The following TNFRSF21 variants were observed in gnomAD, a reference collection of about 807,000 sequenced individuals.
TNFRSF21 encodes the protein TNF receptor superfamily member 21.
TNFRSF21 carries 19 observed loss-of-function variants against 45.6 expected under a neutral mutation model. The observed-to-expected ratio is 0.42, with a 90% CI of 0.29 to 0.61. The LOEUF is 0.61. TNFRSF21 is among the 20% of genes least tolerant of loss of function. The pLI is 0.23. For synonymous variants in TNFRSF21, 314 were observed against 335.5 expected, an observed-to-expected ratio of 0.94 and a Z score of 0.70; for missense variants, 737 against 851.5, an observed-to-expected ratio of 0.87 and a Z score of 1.67.
Position 47,288,483 on chromosome 6 carries a change from G to T in TNFRSF21, c.97-1888C>A, listed in dbSNP as rs1304239441. On this transcript the variant is annotated intron_variant, in intron 1 of 5. Transcript: ENST00000296861. ...ACTGGAGTGTGTTTGCTTTGTCACA[G>T]ATCGTTGAGCTGTACACATAAAATC... Among the ~76,000 whole-genome samples, 4 of 151,884 alleles carry T rather than the reference G, an allele frequency of 2.6e-5. No individual in the cohort carries two copies. The East Asian group carries it at 7.7e-4, about 29-fold the overall frequency.
intron 3 of TNFRSF21, among the ~76,000 whole-genome samples, chr6:47,269,256 CAT>C (rs1315436092): frequency 1.3e-5 from 2 of 152,088 alleles, no homozygotes; most frequent in African/African-American, 4.8e-5. Flanking sequence ...CACACACACA[CAT>C]ACACACATTG....
At chr6:47,273,633 T>G (rs549297451) in intron 3 of TNFRSF21, among the ~76,000 whole-genome samples, 1 of 152,282 alleles carries the variant, frequency 6.6e-6, no homozygotes, top group Admixed American at 6.5e-5. Flanking sequence ...ACCACTCCTA[T>G]TCACCATAAA....
At chr6:47,250,522 G>A (rs927806127) in intron 4 of TNFRSF21, among the ~76,000 whole-genome samples, 23 of 152,170 alleles carry the variant, frequency 1.5e-4, no homozygotes, top group African/African-American at 5.3e-4. Flanking sequence ...CTTGACAGAG[G>A]CAACAAAAAG....
chr6:47,292,365 C>T (rs2113867087), intron 1 of TNFRSF21, among the ~76,000 whole-genome samples: 1 of 151,742 alleles, frequency 6.6e-6, no homozygotes, highest in South Asian at 2.1e-4. Flanking sequence ...ATCAAAATTA[C>T]CTGGGAAGCT....
chr6:47,286,356 T>C lies in TNFRSF21; in HGVS notation c.336A>G (p.Pro112=), dbSNP rs767524762. ...GIEKCHDCSQ[P]CPWPMIEKLP... ...ATTTCTCAATCATTGGCCATGGGCA[T>C]GGCTGACTACAGTCATGGCATTTCT... is the stretch of plus-strand genomic sequence containing the variant. The change falls in exon 2 of 6, where the codon CCA becomes CCG. Residue 112 remains proline (P), a synonymous_variant. Transcript: ENST00000296861. 1.2e-6 allele frequency: 2 copies of C among 1,614,248 alleles called. No homozygotes were observed. Among genetic ancestry groups the C allele is most frequent in the Non-Finnish European group, 1.7e-6 (2 of 1,180,042 alleles).
At position 47,234,649 on chromosome 6, in the gene TNFRSF21, G is replaced by A. The variant is rs1009467299; in HGVS notation, c.1738+21C>T. 9 of 1,579,864 alleles carry A rather than the reference G, an allele frequency of 5.7e-6. No individual in the cohort carries two copies. In the East Asian group the frequency reaches 2.1e-4, roughly 36 times the overall value. On this transcript the variant is annotated intron_variant, in intron 5 of 5. Transcript: ENST00000296861. Reference sequence around the variant, plus strand: ...TTGGGGGGTTTAAGTGCGTGTGTGAGGTCTGCTGCGATGCCCGTACCTTTG... The same window carrying A: ...TTGGGGGGTTTAAGTGCGTGTGTGAAGTCTGCTGCGATGCCCGTACCTTTG...
intron 1 of TNFRSF21, among the ~76,000 whole-genome samples, chr6:47,302,042 T>C (rs909504590): frequency 6.6e-6 from 1 of 152,184 alleles, no homozygotes; most frequent in Non-Finnish European, 1.5e-5. Context: ...CAAAGGTTAT[T>C]TGGGAGACCA....
At position 47,254,395 on chromosome 6, in the gene TNFRSF21, C is replaced by T. The variant is rs549706194; in HGVS notation, c.1244-874G>A. 3.3e-5 allele frequency among the ~76,000 whole-genome samples: 5 copies of T among 152,218 alleles called. No homozygotes were observed. In the East Asian group the frequency reaches 5.8e-4, roughly 18 times the overall value. ...TCTGGAATTTCCCATTTAGTATTTT[C>T]GGACCACAGTGGACCACAGGCAACT... On this transcript the variant is annotated intron_variant, in intron 3 of 5. Transcript: ENST00000296861.
chr6:47,260,681 G>A (rs766715906), intron 3 of TNFRSF21, among the ~76,000 whole-genome samples: 2 of 152,134 alleles, frequency 1.3e-5, no homozygotes, highest in Non-Finnish European at 2.9e-5. Flanking sequence ...AGCCCTCCTT[G>A]GATGAGGTAT....
intron 3 of TNFRSF21, among the ~76,000 whole-genome samples, chr6:47,265,449 T>G (rs1762318774): frequency 6.6e-6 from 1 of 152,172 alleles, no homozygotes; most frequent in South Asian, 2.1e-4. Flanking sequence ...CCGAGTAATT[T>G]ATAGGAAAAT....
At chr6:47,269,770 T>A (rs1208311992) in intron 3 of TNFRSF21, among the ~76,000 whole-genome samples, 1 of 152,158 alleles carries the variant, frequency 6.6e-6, no homozygotes, top group Admixed American at 6.5e-5. Flanking sequence ...CATAAGCATT[T>A]TTAAAGGAAG....
chr6:47,295,138 G>C (rs1273195263), intron 1 of TNFRSF21, among the ~76,000 whole-genome samples: 2 of 152,120 alleles, frequency 1.3e-5, no homozygotes, highest in Non-Finnish European at 2.9e-5. Flanking sequence ...AAAACTCCCT[G>C]GGTCTCAGCA....
intron 4 of TNFRSF21, among the ~76,000 whole-genome samples, chr6:47,238,862 C>T (rs974855345): frequency 7.2e-5 from 11 of 152,144 alleles, no homozygotes; most frequent in African/African-American, 2.4e-4. Flanking sequence ...CTGGATTGTA[C>T]CACAATGAAC....
chr6:47,271,844 A>G (rs1468745844), intron 3 of TNFRSF21, among the ~76,000 whole-genome samples: 1 of 152,174 alleles, frequency 6.6e-6, no homozygotes, highest in Non-Finnish European at 1.5e-5. Context: ...TGGAAAGCAA[A>G]AAAAAAGTAG....
chr6:47,307,926 A>T (rs1331281712), intron 1 of TNFRSF21, among the ~76,000 whole-genome samples: 2 of 152,132 alleles, frequency 1.3e-5, no homozygotes, highest in Non-Finnish European at 2.9e-5. Context: ...AAATGATGAT[A>T]GTTCTCACTC....
In TNFRSF21 at chr6:47,233,011, G is replaced by C; in HGVS notation, c.1739-17C>G. 2 of 1,613,008 alleles carry C rather than the reference G, an allele frequency of 1.2e-6. No individual in the cohort carries two copies. Among genetic ancestry groups the C allele is most frequent in the Middle Eastern group, 1.7e-4 (1 of 5,992 alleles). ...CCTTCTTTTCTGCAGAGAAGAGAGG[G>C]AAGCAAAGACAGCTGTAAGGTGACT... On this transcript the variant is annotated splice_polypyrimidine_tract_variant and intron_variant, in intron 5 of 5. Coordinates refer to ENST00000296861, the MANE Select transcript of TNFRSF21 (RefSeq NM_014452.5).
intron 1 of TNFRSF21, among the ~76,000 whole-genome samples, chr6:47,287,320 A>G (rs1762664740): frequency 6.7e-6 from 1 of 149,046 alleles, no homozygotes; most frequent in Non-Finnish European, 1.5e-5. Context: ...AAAAAAAAAA[A>G]AAAAAAAAAA....
intron 4 of TNFRSF21, among the ~76,000 whole-genome samples, chr6:47,246,966 A>G (rs1764833606): frequency 6.6e-6 from 1 of 152,206 alleles, no homozygotes; most frequent in Non-Finnish European, 1.5e-5. Context: ...CCACTGAATT[A>G]TAATTATTTG....
At chr6:47,261,206 C>T (rs987379354) in intron 3 of TNFRSF21, among the ~76,000 whole-genome samples, 16 of 152,196 alleles carry the variant, frequency 1.1e-4, no homozygotes, top group Admixed American at 4.6e-4. Flanking sequence ...AGCAACTATA[C>T]AAAGCAACAT....
Sources: gnomAD v4.1 joint callset for allele counts (sites outside exome capture counted in the v4.1 genomes callset) on GRCh38, gnomAD v4.1.1 for gene constraint, MANE v1.5 for transcripts, NCBI Gene and HGNC (gene_info 2026-07-23, HGNC 2026-07-21) for gene names.